CPED1: variants seen among roughly 807,000 people sequenced by gnomAD.
CPED1 encodes cadherin-like and PC-esterase domain-containing protein 1.
In CPED1, 114 loss-of-function variants were observed where a neutral mutation model predicts 128.2. That is an observed-to-expected ratio of 0.89 (90% CI 0.76 to 1.04). The LOEUF is 1.04. Among genes scored for constraint, CPED1 ranks in the 50% least tolerant of loss-of-function variants. The pLI is 0.00. For synonymous variants in CPED1, 462 were observed against 426.7 expected (o/e 1.08, Z -1.02); for missense variants, 1,211 against 1,207.1 (o/e 1.00, Z -0.05).
chr7:121,090,275 CA>C (rs1376852122), intron 5 of CPED1, among the ~76,000 whole-genome samples: 1 of 152,116 alleles, frequency 6.6e-6, no homozygotes, highest in African/African-American at 2.4e-5. Flanking sequence ...TTGATCTGGC[CA>C]CTTTTATGGG....
At chr7:121,039,647 G>A (rs890553402) in intron 3 of CPED1, among the ~76,000 whole-genome samples, 1 of 152,016 alleles carries the variant, frequency 6.6e-6, no homozygotes, top group Admixed American at 6.6e-5. Context: ...CAGTAAAAAT[G>A]TAAGCACGCA....
chr7:121,273,973 T>C (rs756438688), intron 22 of CPED1, among the ~76,000 whole-genome samples: 8 of 152,170 alleles, frequency 5.3e-5, no homozygotes, highest in Non-Finnish European at 1.2e-4. Flanking sequence ...AACAGGGCTT[T>C]TGAAAGACAA....
In CPED1 at chr7:121,026,608, A is replaced by G. The variant is rs1467866898; in HGVS notation, c.433+10760A>G. On this transcript the variant is annotated intron_variant, in intron 3 of 22. Transcript: ENST00000310396. ...TTTAAAAAGCCAATGCCCAGGTGAC[A>G]CTCCAGAAAATTAAATCAGAATTTT... Among the ~76,000 whole-genome samples, 5 of 151,566 alleles carry G rather than the reference A, an allele frequency of 3.3e-5. No homozygotes were observed. In the East Asian group the frequency reaches 9.7e-4, roughly 29 times the overall value.
chr7:121,064,565 C>T (rs1343273222), intron 5 of CPED1, among the ~76,000 whole-genome samples: 5 of 152,084 alleles, frequency 3.3e-5, no homozygotes, highest in Non-Finnish European at 5.9e-5. Context: ...TTCTTGTTCT[C>T]CTTTCTATTT....
chr7:121,079,282 GAAGA>G lies in CPED1; in HGVS notation c.616+14974_616+14977del, dbSNP rs202019563. ...GGAAACGAGAGAACAGATCCCCAAA[GAAGA>G]AAGAGACACTGGACAAAAACAATAG... On this transcript the variant is annotated intron_variant, in intron 5 of 22. Coordinates refer to ENST00000310396, the MANE Select transcript of CPED1 (RefSeq NM_024913.5). Among the ~76,000 whole-genome samples, 857 of 152,296 alleles carry G rather than the reference GAAGA, an allele frequency of 5.6e-3. 7 individuals are homozygous for G. The highest frequency in any genetic ancestry group is 0.02 in the Middle Eastern group (6 of 294).
At chr7:121,168,449 A>G (rs1796582251) in intron 16 of CPED1, among the ~76,000 whole-genome samples, 1 of 152,166 alleles carries the variant, frequency 6.6e-6, no homozygotes, top group Admixed American at 6.5e-5. Flanking sequence ...TAATTTTTAA[A>G]AATTTTTAAA....
At chr7:121,194,046 ATATTT>A (rs1462106963) in intron 16 of CPED1, among the ~76,000 whole-genome samples, 100 of 52,956 alleles carry the variant, frequency 1.9e-3, no homozygotes, top group African/African-American at 5.4e-3. Context: ...ATATATATAT[ATATTT>A]TTTTTTTTTT....
intron 18 of CPED1, among the ~76,000 whole-genome samples, chr7:121,249,474 C>A (rs1449652696): frequency 6.6e-6 from 1 of 152,116 alleles, no homozygotes; most frequent in Non-Finnish European, 1.5e-5. Flanking sequence ...AGGCTGGCAG[C>A]AGACCTTTCA....
intron 2 of CPED1, among the ~76,000 whole-genome samples, chr7:121,013,656 A>G (rs1792218895): frequency 6.6e-6 from 1 of 152,226 alleles, no homozygotes; most frequent in Non-Finnish European, 1.5e-5. Flanking sequence ...AGTCACACAA[A>G]TAATGCTGGT....
At position 121,168,549 on chromosome 7, in the gene CPED1, G is replaced by A. The variant is rs553864571; in HGVS notation, c.2055+26408G>A. 1.2e-4 allele frequency among the ~76,000 whole-genome samples: 18 copies of A among 152,140 alleles called. No individual in the cohort carries two copies. The East Asian group carries it at 3.1e-3, about 26-fold the overall frequency. On this transcript the variant is annotated intron_variant, in intron 16 of 22. Coordinates refer to ENST00000310396, the MANE Select transcript of CPED1 (RefSeq NM_024913.5). Reference sequence around the variant, plus strand: ...TGTAATGATCACATCATGGAGAATGGGATATCCAACCCTTCAAGCATTTAA... The same window carrying A: ...TGTAATGATCACATCATGGAGAATGAGATATCCAACCCTTCAAGCATTTAA...
intron 16 of CPED1, among the ~76,000 whole-genome samples, chr7:121,228,147 TAAGA>T (rs1798058369): frequency 6.6e-6 from 1 of 151,950 alleles, no homozygotes; most frequent in African/African-American, 2.4e-5. Flanking sequence ...AAAAATAGAC[TAAGA>T]AGACTTAATT....
intron 16 of CPED1, among the ~76,000 whole-genome samples, chr7:121,183,423 G>A (rs1489858803): frequency 6.6e-6 from 1 of 152,054 alleles, no homozygotes; most frequent in Non-Finnish European, 1.5e-5. Context: ...TGACCTCAAG[G>A]GTATCCCAAA....
intron 18 of CPED1, among the ~76,000 whole-genome samples, chr7:121,260,956 C>T (rs1792003663): frequency 6.6e-6 from 1 of 151,950 alleles, no homozygotes; most frequent in Admixed American, 6.6e-5. Context: ...ATCCAATTCT[C>T]TTCCTGCCGC....
chr7:121,027,776 T>TAAC (rs761650851), intron 3 of CPED1, among the ~76,000 whole-genome samples: 1 of 148,838 alleles, frequency 6.7e-6, no homozygotes, highest in South Asian at 2.1e-4. Flanking sequence ...ATAATAATAA[T>TAAC]AATGAGTTTC....
chr7:121,279,074 T>G (rs1156628177), intron 22 of CPED1, among the ~76,000 whole-genome samples: 1 of 152,170 alleles, frequency 6.6e-6, no homozygotes, highest in Non-Finnish European at 1.5e-5. Context: ...GGTTTAATGT[T>G]CTAATTTGGT....
rs148771817 is a variant in CPED1 at position 121,102,926 on chromosome 7, C to T, written c.918+2832C>T. Among the ~76,000 whole-genome samples the T allele has an allele frequency of 6.8e-3, 1,037 of 152,184 alleles. 5 individuals carry two copies. The highest frequency in any genetic ancestry group is 0.011 in the Non-Finnish European group (750 of 67,992). ...TTTGTTATCAAATTCTTGCTTCATT[C>T]TCATTTCACCTGGGCTAGTGAATCA... On this transcript the variant is annotated intron_variant, in intron 7 of 22. Coordinates refer to ENST00000310396, the MANE Select transcript of CPED1 (RefSeq NM_024913.5).
chr7:121,052,567 T>C (rs1793383344), intron 4 of CPED1, among the ~76,000 whole-genome samples: 1 of 152,084 alleles, frequency 6.6e-6, no homozygotes, highest in Non-Finnish European at 1.5e-5. Flanking sequence ...CGTGAGTCAC[T>C]GGAGGCGAGT....
Position 121,015,700 on chromosome 7 carries a change from T to C in CPED1, c.285T>C (p.His95=). The C allele has an allele frequency of 6.2e-7, 1 of 1,602,850 alleles. No homozygotes were observed. Among genetic ancestry groups the C allele is most frequent in the Non-Finnish European group, 8.5e-7 (1 of 1,176,638 alleles). The change falls in exon 3 of 23, where the codon CAT becomes CAC. Residue 95 remains histidine (H), a synonymous_variant. Transcript: ENST00000310396. The part of the protein sequence containing the change: ...KESMETHFGS[H]GRRAILYRPP... ...CAATGGAGACACACTTTGGCAGCCA[T>C]GGCCGAAGGGCCATACTCTACAGGC...
At chr7:121,294,393 G>A (rs945944459) in intron 22 of CPED1, among the ~76,000 whole-genome samples, 6 of 152,060 alleles carry the variant, frequency 3.9e-5, no homozygotes, top group African/African-American at 7.2e-5. Context: ...TCTCTGTGGT[G>A]GGAAGATCTA....
Sources: allele counts gnomAD v4.1 joint callset (sites outside exome capture counted in the v4.1 genomes callset), GRCh38; gene constraint gnomAD v4.1.1; transcripts MANE v1.5; gene names NCBI Gene and HGNC (gene_info 2026-07-23, HGNC 2026-07-21).